Variants in LRRC7 observed in about 807,000 individuals in gnomAD.
LRRC7 encodes leucine-rich repeat-containing protein 7.
LRRC7 carries 23 observed loss-of-function variants against 175.7 expected under a neutral mutation model. The observed-to-expected ratio is 0.13, with a 90% CI of 0.09 to 0.19. The LOEUF is 0.19. Among genes scored for constraint, LRRC7 ranks in the 10% least tolerant of loss-of-function variants. LRRC7 has a pLI of 1.00. For missense variants in LRRC7, 1,354 were observed against 1,904.7 expected (o/e 0.71, Z 5.38); for synonymous variants, 685 against 680.9 (o/e 1.01, Z -0.09).
At chr1:69,651,772 G>A (rs61782249) in intron 1 of LRRC7, among the ~76,000 whole-genome samples, 10,519 of 152,150 alleles carry the variant, frequency 0.069, 473 homozygotes, top group African/African-American at 0.12. Flanking sequence ...TCTCGGTCAA[G>A]GGAAAAGAGA....
chr1:70,078,134 C>T lies in LRRC7; in HGVS notation c.4452+1836C>T, dbSNP rs115696491. On this transcript the variant is annotated intron_variant, in intron 24 of 26. Coordinates refer to ENST00000651989, the MANE Select transcript of LRRC7 (RefSeq NM_001370785.2). ...CTCGTGGTGATAGGTATCCTAAATG[C>T]CTTGACTTGATTACACGTTCTGTGC... Among the ~76,000 whole-genome samples the T allele has an allele frequency of 8.5e-3, 1,295 of 152,226 alleles. 12 individuals carry two copies. Among genetic ancestry groups the T allele is most frequent in the African/African-American group, 0.029 (1,221 of 41,524 alleles).
chr1:70,091,132 G>A (rs1027241522), intron 25 of LRRC7, among the ~76,000 whole-genome samples: 1 of 152,122 alleles, frequency 6.6e-6, no homozygotes, highest in Non-Finnish European at 1.5e-5. Flanking sequence ...ATAATTAGGG[G>A]AATGCCAGTT....
chr1:69,707,847 G>C (rs979868381), intron 2 of LRRC7, among the ~76,000 whole-genome samples: 6 of 152,164 alleles, frequency 3.9e-5, no homozygotes, highest in African/African-American at 1.4e-4. Context: ...ACCAAGGTGA[G>C]ATGCAGATTT....
intron 7 of LRRC7, among the ~76,000 whole-genome samples, chr1:69,924,654 C>G (rs1390390016): frequency 6.6e-6 from 1 of 152,118 alleles, no homozygotes; most frequent in African/African-American, 2.4e-5. Context: ...GATTTTATAT[C>G]CTGAGACTTT....
At chr1:69,854,945 A>T (rs2101486384) in intron 7 of LRRC7, among the ~76,000 whole-genome samples, 1 of 152,224 alleles carries the variant, frequency 6.6e-6, no homozygotes, top group Non-Finnish European at 1.5e-5. Context: ...ATGATTCCAA[A>T]TCTTTTTCAA....
intron 4 of LRRC7, among the ~76,000 whole-genome samples, chr1:69,817,561 G>C (rs763906734): frequency 3.1e-4 from 47 of 151,918 alleles, no homozygotes; most frequent in Non-Finnish European, 6.2e-4. Context: ...AATGAAGAAA[G>C]GTGAGGCTTC....
intron 1 of LRRC7, among the ~76,000 whole-genome samples, chr1:69,674,978 A>G (rs949308908): frequency 6.6e-6 from 1 of 152,212 alleles, no homozygotes; most frequent in Non-Finnish European, 1.5e-5. Context: ...AGCATTTTAC[A>G]TGTGTTACCA....
At chr1:70,000,802 G>C (rs1002589849) in intron 11 of LRRC7, among the ~76,000 whole-genome samples, 1 of 152,140 alleles carries the variant, frequency 6.6e-6, no homozygotes, top group Non-Finnish European at 1.5e-5. Flanking sequence ...GTAGGTCTGG[G>C]ACCTGAAGGG....
At chr1:69,928,409 G>T (rs1279435675) in intron 7 of LRRC7, among the ~76,000 whole-genome samples, 1 of 152,236 alleles carries the variant, frequency 6.6e-6, no homozygotes. Flanking sequence ...TGCCCCCAGC[G>T]GTGGAGCCTA....
In LRRC7 at chr1:69,925,576, G is replaced by A. The variant is rs189076554; in HGVS notation, c.648-5931G>A. On this transcript the variant is annotated intron_variant, in intron 7 of 26. Transcript: ENST00000651989. ...TTCTCCATTTCTTCTAGATTTTCTAGTTTATTTGCATAGAGGTGTTTGTAG... is the reference window on the plus strand; with the variant it reads ...TTCTCCATTTCTTCTAGATTTTCTAATTTATTTGCATAGAGGTGTTTGTAG... 2.3e-3 allele frequency among the ~76,000 whole-genome samples: 354 copies of A among 152,176 alleles called. 2 individuals are homozygous for A. The highest frequency in any genetic ancestry group is 0.012 in the Admixed American group (176 of 15,272).
intron 17 of LRRC7, among the ~76,000 whole-genome samples, chr1:70,027,201 T>C (rs17097485): frequency 6.6e-6 from 1 of 152,022 alleles, no homozygotes; most frequent in South Asian, 2.1e-4. Context: ...TGCAAAACAG[T>C]ATTGTTGGAA....
At chr1:70,027,933 C>G (rs1658296797) in intron 17 of LRRC7, among the ~76,000 whole-genome samples, 1 of 152,072 alleles carries the variant, frequency 6.6e-6, no homozygotes, top group African/African-American at 2.4e-5. Flanking sequence ...TAGGGTAGGT[C>G]TAAAGACAGA....
intron 6 of LRRC7, 55 bp from the exon 7 acceptor site, chr1:69,838,172 A>G (rs756570503): frequency 1.9e-5 from 24 of 1,246,128 alleles, no homozygotes; most frequent in Non-Finnish European, 2.7e-5. Context: ...GATCTTATTC[A>G]ATAATTTTTT....
chr1:69,756,223 A>G (rs1429994805), intron 2 of LRRC7, among the ~76,000 whole-genome samples: 1 of 151,958 alleles, frequency 6.6e-6, no homozygotes, highest in Non-Finnish European at 1.5e-5. Flanking sequence ...CAGAAAATAG[A>G]CTAAAAAGAC....
intron 24 of LRRC7, among the ~76,000 whole-genome samples, chr1:70,085,739 C>T (rs1663555769): frequency 6.6e-6 from 1 of 152,110 alleles, no homozygotes; most frequent in Non-Finnish European, 1.5e-5. Context: ...ATTTCAATTA[C>T]TCTCTACTAC....
chr1:69,993,897 G>A (rs1557967108), intron 10 of LRRC7, among the ~76,000 whole-genome samples: 1 of 152,062 alleles, frequency 6.6e-6, no homozygotes, highest in Non-Finnish European at 1.5e-5. Flanking sequence ...TGTGACTATT[G>A]CTCATTAAAA....
chr1:70,099,859 G>A (rs1477172296), intron 25 of LRRC7, among the ~76,000 whole-genome samples: 1 of 152,016 alleles, frequency 6.6e-6, no homozygotes. Flanking sequence ...TTCACCACAA[G>A]TTGGGGTCCC....
chr1:69,881,515 A>G (rs1170295895), intron 7 of LRRC7, among the ~76,000 whole-genome samples: 1 of 152,166 alleles, frequency 6.6e-6, no homozygotes, highest in African/African-American at 2.4e-5. Context: ...AAGCTCAGGC[A>G]ACAAAAGAAA....
At chr1:69,919,903 C>A in intron 7 of LRRC7, 1 of 665,776 alleles carries the variant, frequency 1.5e-6, no homozygotes, top group South Asian at 1.6e-5. Flanking sequence ...TGGCCGAACC[C>A]CCCACTCCCT....
Sources: gnomAD v4.1 joint callset for allele counts (sites outside exome capture counted in the v4.1 genomes callset) on GRCh38, gnomAD v4.1.1 for gene constraint, MANE v1.5 for transcripts, NCBI Gene and HGNC (gene_info 2026-07-23, HGNC 2026-07-21) for gene names.